The following RGS20 variants were observed in gnomAD, a reference collection of about 807,000 sequenced individuals.
The protein encoded by RGS20 is regulator of G protein signaling 20.
RGS20 carries 30 observed loss-of-function variants against 33.6 expected under a neutral mutation model. That is an observed-to-expected ratio of 0.89 (90% CI 0.67 to 1.21). The LOEUF (loss-of-function observed/expected upper bound fraction) is 1.21, where lower values mean the gene tolerates loss of function less well. Ranked by LOEUF, RGS20 falls within the 50% of genes most tolerant of loss-of-function variation. RGS20 has a pLI of 0.00. For synonymous variants in RGS20, 208 were observed against 197.9 expected, an observed-to-expected ratio of 1.05 and a Z score of -0.43; for missense variants, 472 against 502.4, an observed-to-expected ratio of 0.94 and a Z score of 0.58.
chr8:53,935,295 CA>C (rs1019056584), intron 2 of RGS20, among the ~76,000 whole-genome samples: 143 of 152,044 alleles, frequency 9.4e-4, no homozygotes, highest in Admixed American at 9.2e-3. Flanking sequence ...AAAAATCCTT[CA>C]AAAAATCAAT....
intron 2 of RGS20, among the ~76,000 whole-genome samples, chr8:53,899,639 G>A (rs991530712): frequency 1.3e-5 from 2 of 152,114 alleles, no homozygotes; most frequent in Admixed American, 6.5e-5. Flanking sequence ...TGCCTGTTCC[G>A]AACATTTTAT....
chr8:53,954,117 C>A lies in RGS20; in HGVS notation c.785C>A (p.Ser262Ter). 2.5e-6 allele frequency: 4 copies of A among 1,614,016 alleles called. No homozygotes were observed. The South Asian group carries it at 4.4e-5, about 18-fold the overall frequency. Residue 262 changes from serine to a stop codon, truncating the protein, a stop_gained, in exon 5 of 6, where the codon TCA (serine) becomes TAA (stop). Transcript: ENST00000297313. LOFTEE classifies it high-confidence loss of function. ...GAAGAAGTCAACGCCTGGGCTCAGTCATTTGACAAATTAATGGTCACTCCA... is the reference window on the plus strand; with the variant it reads ...GAAGAAGTCAACGCCTGGGCTCAGTAATTTGACAAATTAATGGTCACTCCA...
intron 2 of RGS20, among the ~76,000 whole-genome samples, chr8:53,895,593 C>G (rs1812834664): frequency 6.6e-6 from 1 of 152,072 alleles, no homozygotes; most frequent in Admixed American, 6.5e-5. Flanking sequence ...CCACCTCCAG[C>G]CCTCTGCCTG....
chr8:53,921,442 CTTT>C (rs879442015), intron 2 of RGS20, among the ~76,000 whole-genome samples: 21 of 125,216 alleles, frequency 1.7e-4, no homozygotes, highest in African/African-American at 6.1e-4. Context: ...CTGAGCTTTT[CTTT>C]TTTTTTTTTT....
chr8:53,941,914 T>C (rs564754272), intron 3 of RGS20, among the ~76,000 whole-genome samples: 52 of 152,010 alleles, frequency 3.4e-4, no homozygotes, highest in Admixed American at 1.4e-3. Flanking sequence ...CTGCTTGGTA[T>C]CCAAATATAT....
intron 3 of RGS20, among the ~76,000 whole-genome samples, chr8:53,944,356 A>G (rs1164764821): frequency 3.3e-5 from 5 of 152,108 alleles, no homozygotes; most frequent in Admixed American, 1.3e-4. Context: ...GGACCAACAT[A>G]GTGAAACCCC....
intron 1 of RGS20, among the ~76,000 whole-genome samples, chr8:53,853,598 A>G (rs546224197): frequency 6.6e-6 from 1 of 152,356 alleles, no homozygotes; most frequent in South Asian, 2.1e-4. Context: ...AAGAGGAGAC[A>G]TGTGCCTCAT....
At chr8:53,868,589 A>G (rs959670277) in intron 1 of RGS20, among the ~76,000 whole-genome samples, 1 of 152,142 alleles carries the variant, frequency 6.6e-6, no homozygotes, top group Non-Finnish European at 1.5e-5. Flanking sequence ...CTTATAATAA[A>G]GATAAGTATA....
chr8:53,883,946 CA>C lies in RGS20; in HGVS notation c.510+4357del, dbSNP rs75283566. On this transcript the variant is annotated intron_variant, in intron 2 of 5. Coordinates refer to ENST00000297313, the MANE Select transcript of RGS20 (RefSeq NM_170587.4). ...GGGCAACAAGAGCAAAACTCCGTCT[CA>C]AAAAAAAAAAAAGAGTATCTACCTA... Among the ~76,000 whole-genome samples the C allele has an allele frequency of 9.9e-3, 1,216 of 122,728 alleles. 6 individuals carry two copies. The highest frequency in any genetic ancestry group is 0.014 in the Non-Finnish European group (754 of 55,844). 80.5% of individuals were successfully genotyped at this position (122,728 alleles called of 152,430 possible).
chr8:53,950,119 C>T (rs776624686), intron 4 of RGS20, among the ~76,000 whole-genome samples: 2 of 152,024 alleles, frequency 1.3e-5, no homozygotes, highest in East Asian at 1.9e-4. Flanking sequence ...GGATTACAAG[C>T]GTGAGCCACT....
At chr8:53,939,184 G>A (rs1027261845) in intron 2 of RGS20, among the ~76,000 whole-genome samples, 7 of 152,088 alleles carry the variant, frequency 4.6e-5, no homozygotes, top group African/African-American at 7.2e-5. Context: ...CACAGGCAGC[G>A]TCATGAAGCT....
At chr8:53,878,361 T>G (rs979373807) in intron 1 of RGS20, among the ~76,000 whole-genome samples, 1 of 152,164 alleles carries the variant, frequency 6.6e-6, no homozygotes, top group African/African-American at 2.4e-5. Flanking sequence ...TTCCCAAGGT[T>G]AGCCATTAAG....
chr8:53,880,365 C>A (rs1467655344), intron 2 of RGS20: 1 of 152,804 alleles, frequency 6.5e-6, no homozygotes, highest in African/African-American at 2.4e-5. Flanking sequence ...GGGCGAGGGC[C>A]GCTTTCCAGG....
intron 1 of RGS20, among the ~76,000 whole-genome samples, chr8:53,870,262 TACAC>T (rs112678663): frequency 4.0e-5 from 6 of 149,968 alleles, no homozygotes; most frequent in African/African-American, 1.5e-4. Context: ...GATATGTGTG[TACAC>T]ACACACACAC....
chr8:53,889,591 C>A (rs1013913450), intron 2 of RGS20, among the ~76,000 whole-genome samples: 2 of 151,692 alleles, frequency 1.3e-5, no homozygotes, highest in African/African-American at 4.8e-5. Context: ...TGGGGTTTCA[C>A]CATGTTGCCC....
At chr8:53,867,275 A>G (rs1413148690) in intron 1 of RGS20, among the ~76,000 whole-genome samples, 2 of 152,118 alleles carry the variant, frequency 1.3e-5, no homozygotes, top group Non-Finnish European at 2.9e-5. Flanking sequence ...TTTTAAAAAA[A>G]ATATTCTGAG....
chr8:53,879,046 G>A (rs766221366), intron 1 of RGS20, among the ~76,000 whole-genome samples: 1 of 152,012 alleles, frequency 6.6e-6, no homozygotes, highest in Non-Finnish European at 1.5e-5. Flanking sequence ...CGAAGCTGCT[G>A]GCCTACGGAC....
At chr8:53,939,459 G>A (rs1309438704) in intron 2 of RGS20, 117 bp from the exon 2 acceptor site, 7 of 1,123,024 alleles carry the variant, frequency 6.2e-6, no homozygotes, top group Non-Finnish European at 8.1e-6. Flanking sequence ...TAGCAAAAAT[G>A]ACCTGAATGT....
At chr8:53,945,849 A>C (rs955432686) in intron 3 of RGS20, among the ~76,000 whole-genome samples, 1 of 151,960 alleles carries the variant, frequency 6.6e-6, no homozygotes, top group African/African-American at 2.4e-5. Flanking sequence ...ATTGCGCCAC[A>C]GCACTGCAGC....
Sources: allele counts gnomAD v4.1 joint callset (sites outside exome capture counted in the v4.1 genomes callset), GRCh38; gene constraint gnomAD v4.1.1; transcripts MANE v1.5; gene names NCBI Gene and HGNC (gene_info 2026-07-23, HGNC 2026-07-21).